Variants in PSME3 observed in about 807,000 individuals in gnomAD.
The protein encoded by PSME3 is proteasome activator complex subunit 3.
Under a neutral mutation model 38.3 loss-of-function variants are expected in PSME3, and 7 were observed. That is an observed-to-expected ratio of 0.18 (90% CI 0.10 to 0.34). PSME3 has a LOEUF of 0.34. Among genes scored for constraint, PSME3 ranks in the 10% least tolerant of loss-of-function variants. The probability of loss-of-function intolerance (pLI) is 1.00; values close to 1 mark genes in which losing one functional copy is unlikely to be tolerated. For missense variants in PSME3, 192 were observed against 307.6 expected, an observed-to-expected ratio of 0.62 and a Z score of 2.81; for synonymous variants, 108 against 105.7, an observed-to-expected ratio of 1.02 and a Z score of -0.13.
At chr17:42,833,818 G>C in intron 1 of PSME3, 145 bp downstream of exon 1, 1 of 1,566,208 alleles carries the variant, frequency 6.4e-7, no homozygotes, top group South Asian at 1.2e-5. Context: ...CAACTCCCGG[G>C]GTCGGCTTCG....
rs530380421 is a variant in PSME3, at chr17:42,833,437, G to T, written c.-195G>T. On this transcript the variant is annotated 5_prime_UTR_variant, in exon 1 of 11. Transcript: ENST00000590720. ...AGCGGCGAAAGCCGGGAGGGCGAGC[G>T]AGAGAGCAAGCAGGCAGCAGGCTGC... The T allele has an allele frequency of 1.4e-5, 9 of 635,130 alleles. No homozygotes were observed. The African/African-American group carries it at 1.5e-4, about 10-fold the overall frequency. The allele number at this position is 635,130 out of a possible 1,614,324, so 39.3% of individuals were successfully genotyped here. A position where few individuals can be genotyped will look rare whatever the true frequency, so the allele number is the denominator to read the frequency against.
At chr17:42,835,413 A>G (rs1199108224) in intron 4 of PSME3, among the ~76,000 whole-genome samples, 1 of 151,322 alleles carries the variant, frequency 6.6e-6, no homozygotes, top group Non-Finnish European at 1.5e-5. Flanking sequence ...TCAGTGTTAG[A>G]GTGAGTTTCA....
In PSME3 at chr17:42,843,468, T is replaced by C. The variant is rs1403397353; in HGVS notation, c.*1890T>C. ...CAGTCTGAATTATGGGAAAGTTAGC[T>C]CTTCCCAGACCTAAGCTGCCTTCTC... On this transcript the variant is annotated 3_prime_UTR_variant, in exon 11 of 11. Transcript: ENST00000590720. 6.6e-6 allele frequency: 1 copy of C among 152,334 alleles called. No individual in the cohort carries two copies. The highest frequency in any genetic ancestry group is 1.5e-5 in the Non-Finnish European group (1 of 68,048). The allele number at this position is 152,334 out of a possible 1,614,324, so 9.4% of individuals were successfully genotyped here. A position where few individuals can be genotyped will look rare whatever the true frequency, so the allele number is the denominator to read the frequency against.
At chr17:42,834,322 T>C in intron 1 of PSME3, 22 bp from the exon 2 acceptor site, 7 of 1,614,066 alleles carry the variant, frequency 4.3e-6, no homozygotes, top group Non-Finnish European at 5.9e-6. Context: ...AGGTACTGAA[T>C]TGCTCTCTTT....
chr17:42,833,769 A>C, intron 1 of PSME3, 96 bp downstream of exon 1: 1 of 1,610,318 alleles, frequency 6.2e-7, no homozygotes, highest in Non-Finnish European at 8.5e-7. Flanking sequence ...CTCCCTGGGG[A>C]TACCAGCTCT....
Position 42,838,024 on chromosome 17 carries a change from TGAGA to T in PSME3, c.293-63_293-60del, listed in dbSNP as rs1036847026. 3 of 1,536,534 alleles carry T rather than the reference TGAGA, an allele frequency of 2.0e-6. No homozygotes were observed. The African/African-American group carries it at 4.1e-5, about 21-fold the overall frequency. On this transcript the variant is annotated intron_variant, in intron 5 of 10. Coordinates refer to ENST00000590720, the MANE Select transcript of PSME3 (RefSeq NM_005789.4). ...TAGCATCTGATAGGTATAGGGAAAA[TGAGA>T]GAGAGGCAGGGGATGCTGTGTCCTT...
intron 4 of PSME3, 136 bp from the exon 5 acceptor site, chr17:42,837,513 G>T (rs1321823907): frequency 3.5e-5 from 35 of 989,854 alleles, no homozygotes; most frequent in Non-Finnish European, 5.2e-5. Context: ...AGCTTTGTAT[G>T]TACTTAGGAA....
intron 4 of PSME3, among the ~76,000 whole-genome samples, chr17:42,835,876 C>T (rs187962587): frequency 3.3e-5 from 5 of 152,320 alleles, no homozygotes; most frequent in East Asian, 3.9e-4. Context: ...CTTTGCTTTG[C>T]ATCTCTAACA....
chr17:42,835,639 G>C (rs1464561731), intron 4 of PSME3, among the ~76,000 whole-genome samples: 1 of 151,872 alleles, frequency 6.6e-6, no homozygotes, highest in Non-Finnish European at 1.5e-5. Context: ...GCAGGAGAAT[G>C]GCATGAACCC....
chr17:42,836,316 T>C (rs775011978), intron 4 of PSME3, among the ~76,000 whole-genome samples: 2 of 152,146 alleles, frequency 1.3e-5, no homozygotes, highest in Middle Eastern at 3.4e-3. Context: ...GCAGGAGCTA[T>C]CTTAATCTTT....
chr17:42,836,854 G>A (rs1243182526), intron 4 of PSME3, among the ~76,000 whole-genome samples: 2 of 150,934 alleles, frequency 1.3e-5, no homozygotes, highest in South Asian at 2.1e-4. Flanking sequence ...GAGCCATGGC[G>A]CCCAGCCCAA....
chr17:42,835,377 G>A (rs1248947070), intron 4 of PSME3, among the ~76,000 whole-genome samples: 3 of 151,898 alleles, frequency 2.0e-5, no homozygotes, highest in Non-Finnish European at 2.9e-5. Context: ...CATTTACGAC[G>A]TGAAGTGAAT....
At chr17:42,841,369 A>C in intron 10 of PSME3, 129 bp from the exon 11 acceptor site, 1 of 434,592 alleles carries the variant, frequency 2.3e-6, no homozygotes, top group Non-Finnish European at 4.0e-6. Context: ...GTTGCTAAGA[A>C]CCTATTGATG....
intron 4 of PSME3, among the ~76,000 whole-genome samples, chr17:42,837,001 C>T (rs1216283054): frequency 6.6e-6 from 1 of 151,982 alleles, no homozygotes; most frequent in Admixed American, 6.6e-5. Context: ...CTGCCTCAGC[C>T]TTCCGAGTAG....
Position 42,838,934 on chromosome 17 carries a change from G to T in PSME3, c.475-11G>T. 1 of 1,614,034 alleles carries T rather than the reference G, an allele frequency of 6.2e-7. No individual in the cohort carries two copies. Among genetic ancestry groups the T allele is most frequent in the Admixed American group, 1.7e-5 (1 of 59,998 alleles). ...GTGGCTTTTGATGCACCTGTTGTTT[G>T]TTTGTTTTAGGAGGAAACAGTTGCA... On this transcript the variant is annotated splice_polypyrimidine_tract_variant and intron_variant, in intron 7 of 10. Transcript: ENST00000590720.
chr17:42,841,619 A>C lies in PSME3; in HGVS notation c.*41A>C. 1 of 1,396,866 alleles carries C rather than the reference A, an allele frequency of 7.2e-7. No homozygotes were observed. Among genetic ancestry groups the C allele is most frequent in the South Asian group, 1.3e-5 (1 of 78,298 alleles). The allele number at this position is 1,396,866 out of a possible 1,614,324, so 86.5% of individuals were successfully genotyped here. On this transcript the variant is annotated 3_prime_UTR_variant, in exon 11 of 11. Coordinates refer to ENST00000590720, the MANE Select transcript of PSME3 (RefSeq NM_005789.4). Reference sequence around the variant, plus strand: ...CAGGGGACTCTGTGAGTCTGGCTCAAGACCGACATTGCCTTGGTTTGTTAC... The same window carrying C: ...CAGGGGACTCTGTGAGTCTGGCTCACGACCGACATTGCCTTGGTTTGTTAC...
intron 4 of PSME3, among the ~76,000 whole-genome samples, chr17:42,837,207 C>A (rs912488573): frequency 6.6e-6 from 1 of 152,088 alleles, no homozygotes; most frequent in Non-Finnish European, 1.5e-5. Flanking sequence ...CTTGCCACCA[C>A]GCCCAGCTAA....
chr17:42,841,788 A>G lies in PSME3; in HGVS notation c.*210A>G. On this transcript the variant is annotated 3_prime_UTR_variant, in exon 11 of 11. Coordinates refer to ENST00000590720, the MANE Select transcript of PSME3 (RefSeq NM_005789.4). Reference sequence around the variant, plus strand: ...CAGGAACTCTTCTATTTCCTTCCCTAATACCCCACACCCAACCTGTCGTAA... The same window carrying G: ...CAGGAACTCTTCTATTTCCTTCCCTGATACCCCACACCCAACCTGTCGTAA... 2.4e-6 allele frequency: 1 copy of G among 421,228 alleles called. No individual in the cohort carries two copies. 26.1% of individuals were successfully genotyped at this position (421,228 alleles called of 1,614,324 possible).
intron 10 of PSME3, among the ~76,000 whole-genome samples, chr17:42,841,266 CGAACAAAAT>C (rs2055529809): frequency 6.6e-6 from 1 of 151,588 alleles, no homozygotes; most frequent in African/African-American, 2.4e-5. Flanking sequence ...AAAATGACAT[CGAACAAAAT>C]GATGTTATTT....
Sources: allele counts gnomAD v4.1 joint callset (sites outside exome capture counted in the v4.1 genomes callset), GRCh38; gene constraint gnomAD v4.1.1; transcripts MANE v1.5; gene names NCBI Gene and HGNC (gene_info 2026-07-23, HGNC 2026-07-21).